The following TASOR variants were observed in gnomAD, a reference collection of about 807,000 sequenced individuals.
The protein encoded by TASOR is protein TASOR.
In TASOR, 53 loss-of-function variants were observed where a neutral mutation model predicts 178.6. The ratio of observed to expected loss-of-function variants is 0.30; its 90% CI spans 0.24 to 0.37. The LOEUF is 0.37. Among genes scored for constraint, TASOR ranks in the 10% least tolerant of loss-of-function variants. TASOR has a pLI of 1.00. For synonymous variants in TASOR, 713 were observed against 696.2 expected (o/e 1.02, Z -0.38); for missense variants, 1,815 against 1,971.4 (o/e 0.92, Z 1.50).
Position 56,662,388 on chromosome 3 carries a change from T to G in TASOR, c.1157A>C (p.Lys386Thr). 1 of 1,532,704 alleles carries G rather than the reference T, an allele frequency of 6.5e-7. No individual in the cohort carries two copies. Among genetic ancestry groups the G allele is most frequent in the Admixed American group, 2.0e-5 (1 of 50,764 alleles). 94.9% of individuals were successfully genotyped at this position (1,532,704 alleles called of 1,614,324 possible). A position where few individuals can be genotyped will look rare whatever the true frequency, so the allele number is the denominator to read the frequency against. Reference sequence around the variant, plus strand: ...ACTGCTCTTTACTTATACTTACAGTTTGATAGGCAAAAAAGCACGAGTGGC... The same window carrying G: ...ACTGCTCTTTACTTATACTTACAGTGTGATAGGCAAAAAAGCACGAGTGGC... The part of the protein sequence containing the change: ...RSATRAFLPI[K>T]LPEKLDVETV... Residue 386 changes from lysine to threonine, a missense_variant, in exon 9 of 24, where the codon AAA (lysine) becomes ACA (threonine). By Grantham distance (78) the Lys-to-Thr change is moderately conservative. This residue lies in a region of TASOR where 504 missense variants were observed against 645.3 expected (regional missense o/e 0.78). Transcript: ENST00000683822.
At chr3:56,652,626 T>A (rs2077376319) in intron 11 of TASOR, among the ~76,000 whole-genome samples, 3 of 151,736 alleles carry the variant, frequency 2.0e-5, no homozygotes, top group Non-Finnish European at 4.4e-5. Flanking sequence ...TTAAAAAATA[T>A]AGGCAAAGAA....
At chr3:56,632,795 C>A (rs965087705) in intron 18 of TASOR, among the ~76,000 whole-genome samples, 1 of 152,014 alleles carries the variant, frequency 6.6e-6, no homozygotes, top group African/African-American at 2.4e-5. Flanking sequence ...AGAGTGCCAC[C>A]ACACCTAATT....
chr3:56,636,409 G>A (rs941564611), intron 17 of TASOR, among the ~76,000 whole-genome samples: 4 of 151,938 alleles, frequency 2.6e-5, no homozygotes, highest in African/African-American at 7.3e-5. Context: ...TGGTGGTGTT[G>A]TTGTTGTTGT....
Position 56,646,548 on chromosome 3 carries a change from A to G in TASOR, c.2189T>C (p.Leu730Ser). 6.2e-7 allele frequency: 1 copy of G among 1,604,588 alleles called. No individual in the cohort carries two copies. Among genetic ancestry groups the G allele is most frequent in the Non-Finnish European group, 8.5e-7 (1 of 1,177,542 alleles). The change falls in exon 14 of 24, where the codon TTA (leucine) becomes TCA (serine). Residue 730 changes from leucine to serine, a missense_variant. By Grantham distance (145) the Leu-to-Ser change is moderately radical. Around this residue, in one of 5 missense-constraint regions of TASOR, gnomAD observed 655 missense variants for 671.1 expected, o/e 0.98. Transcript: ENST00000683822. ...TTCATACAGATGGCAATTTTCAGAT[A>G]AATTACTGGTTTTGGCGAGCTTTCT... ...NMRKLAKTSN[L>S]SENCHLYEES...
At chr3:56,674,972 C>A (rs984490496) in intron 1 of TASOR, among the ~76,000 whole-genome samples, 1 of 152,120 alleles carries the variant, frequency 6.6e-6, no homozygotes, top group African/African-American at 2.4e-5. Context: ...GCACCCACCA[C>A]CACACCCGGC....
rs909846509 is a variant in TASOR at position 56,670,153 on chromosome 3, T to A, written c.571-8A>T. The A allele has an allele frequency of 1.8e-5, 26 of 1,445,178 alleles. No homozygotes were observed. Among genetic ancestry groups the A allele is most frequent in the East Asian group, 7.6e-5 (3 of 39,542 alleles). The allele number at this position is 1,445,178 out of a possible 1,614,324, so 89.5% of individuals were successfully genotyped here. On this transcript the variant is annotated splice_region_variant and splice_polypyrimidine_tract_variant and intron_variant, in intron 3 of 23. Transcript: ENST00000683822. ...TTCACATATGGTTTGAACCTAAATT[T>A]AAAAAAAAATACTTCATCTTGCAGT... is the stretch of plus-strand genomic sequence containing the variant.
At chr3:56,627,211 G>T (rs376087015) in intron 20 of TASOR, 66 bp from the exon 21 acceptor site, 19 of 979,396 alleles carry the variant, frequency 1.9e-5, no homozygotes, top group Non-Finnish European at 2.2e-5. Flanking sequence ...AATTATGAAA[G>T]AAGTGTTTTT....
At chr3:56,682,029 A>G (rs1219546877) in intron 1 of TASOR, among the ~76,000 whole-genome samples, 1 of 152,236 alleles carries the variant, frequency 6.6e-6, no homozygotes, top group Admixed American at 6.5e-5. Flanking sequence ...ATATAAGAAA[A>G]ACAATACTAA....
chr3:56,682,595 G>T, intron 1 of TASOR, 81 bp downstream of exon 1: 1 of 1,288,560 alleles, frequency 7.8e-7, no homozygotes, highest in South Asian at 1.7e-5. Flanking sequence ...TCGGATGGGT[G>T]TGGGAAGAGG....
Position 56,627,601 on chromosome 3 carries a change from G to A in TASOR, c.4011C>T (p.Asn1337=), listed in dbSNP as rs2076827111. Residue 1337 remains asparagine, a synonymous_variant, in exon 20 of 24, where the codon AAC becomes AAT. Transcript: ENST00000683822. ...TCTTACCAACTGTGACAACCTCTGG[G>A]TTTAGAATTGATTCATCAGATACGA... is the stretch of plus-strand genomic sequence containing the variant. ...GFIVSDESIL[N]PEVVTVENLK... is the part of the protein sequence containing the mutation. 1.9e-6 allele frequency: 3 copies of A among 1,613,904 alleles called. No individual in the cohort carries two copies. Among genetic ancestry groups the A allele is most frequent in the Non-Finnish European group, 2.5e-6 (3 of 1,179,956 alleles).
At position 56,666,164 on chromosome 3, in the gene TASOR, A is replaced by G. The variant is rs2029945143; in HGVS notation, c.1022+96T>C. 3 of 1,111,296 alleles carry G rather than the reference A, an allele frequency of 2.7e-6. No homozygotes were observed. In the East Asian group the frequency reaches 9.5e-5, roughly 35 times the overall value. 68.8% of individuals were successfully genotyped at this position (1,111,296 alleles called of 1,614,324 possible). On this transcript the variant is annotated intron_variant, in intron 7 of 23. Transcript: ENST00000683822. ...CTTCAAGGGAAGTTAAAAAAAAAAA[A>G]ATGGGAAGGAAACAAAATGGTCCTC...
chr3:56,630,960 T>G (rs1381084948), intron 18 of TASOR, among the ~76,000 whole-genome samples: 1 of 151,996 alleles, frequency 6.6e-6, no homozygotes, highest in Non-Finnish European at 1.5e-5. Context: ...GTTGGAGTTA[T>G]GCTAAGCACA....
intron 17 of TASOR, among the ~76,000 whole-genome samples, chr3:56,635,438 T>C (rs62251183): frequency 0.036 from 5,491 of 152,264 alleles, 116 homozygotes; most frequent in East Asian, 0.091. Context: ...ATAAAGTGTC[T>C]GGAAGGATAC....
chr3:56,625,059 G>A (rs542591298), intron 21 of TASOR, 53 bp from the exon 22 acceptor site: 3 of 1,539,524 alleles, frequency 1.9e-6, no homozygotes, highest in Non-Finnish European at 1.8e-6. Flanking sequence ...AATTTAGTAT[G>A]GAAATTTCTG....
At position 56,624,518 on chromosome 3, in the gene TASOR, G is replaced by A. The variant is rs757226862; in HGVS notation, c.4444C>T (p.Pro1482Ser). Reference protein sequence around the residue: ...YHNSITEENLPQLGANENLES... With the variant: ...YHNSITEENLSQLGANENLES... ...AGATTCTCATTAGCACCAAGCTGTG[G>A]AAGGTTTTCTTCTGTGATTGAATTG... Residue 1482 changes from proline (P) to serine (S), a missense_variant, in exon 23 of 24, where the codon CCA (proline) becomes TCA (serine). By Grantham distance (74) the Pro-to-Ser change is moderately conservative. Transcript: ENST00000683822. 1.2e-6 allele frequency: 2 copies of A among 1,614,036 alleles called. No homozygotes were observed. Among genetic ancestry groups the A allele is most frequent in the Non-Finnish European group, 1.7e-6 (2 of 1,179,968 alleles).
Position 56,623,332 on chromosome 3 carries a change from G to A in TASOR, c.4718C>T (p.Ser1573Phe), listed in dbSNP as rs754753366. 1 of 1,613,404 alleles carries A rather than the reference G, an allele frequency of 6.2e-7. No homozygotes were observed. Among genetic ancestry groups the A allele is most frequent in the South Asian group, 1.1e-5 (1 of 91,066 alleles). ...TCCTTCAGAGCATACTATATCAATA[G>A]AAGTTCTCTCTTCAGAATCAAGGTA... ...KTYLDSEERT[S>F]IDIVCSEGEN... The change falls in exon 24 of 24, where the codon TCT becomes TTT. Residue 1573 changes from serine (S) to phenylalanine (F), a missense_variant. Coordinates refer to ENST00000683822, the MANE Select transcript of TASOR (RefSeq NM_001365635.2).
intron 11 of TASOR, among the ~76,000 whole-genome samples, chr3:56,659,271 T>TGTATTAAA (rs1228770689): frequency 1.3e-5 from 2 of 152,210 alleles, no homozygotes; most frequent in African/African-American, 4.8e-5. Flanking sequence ...TTGTAAAACT[T>TGTATTAAA]GTATTAAATG....
In TASOR at chr3:56,633,534, T is replaced by C; in HGVS notation, c.3257A>G (p.Asn1086Ser). 1 of 1,614,144 alleles carries C rather than the reference T, an allele frequency of 6.2e-7. No homozygotes were observed. Among genetic ancestry groups the C allele is most frequent in the African/African-American group, 1.3e-5 (1 of 75,044 alleles). The change falls in exon 18 of 24, where the codon AAT becomes AGT. Residue 1086 changes from asparagine (N) to serine (S), a missense_variant. Around this residue, in one of 5 missense-constraint regions of TASOR, gnomAD observed 655 missense variants for 671.1 expected, o/e 0.98. Transcript: ENST00000683822. ...GGCTGATGCTTTAATAATAATAGTA[T>C]TTAGCTTCTCATGCAAACCATCTAC... The part of the protein sequence containing the change: ...EFVDGLHEKL[N>S]TIIIKASAKG...
At chr3:56,671,244 C>CA in intron 3 of TASOR, 1 of 163,448 alleles carries the variant, frequency 6.1e-6, no homozygotes, top group Non-Finnish European at 1.3e-5. Context: ...GAGGCTGAGG[C>CA]AGGAGAATCG....
Sources: allele counts gnomAD v4.1 joint callset (sites outside exome capture counted in the v4.1 genomes callset), GRCh38; gene constraint gnomAD v4.1.1; regional missense constraint gnomAD v4.1.1; transcripts MANE v1.5; gene names NCBI Gene and HGNC (gene_info 2026-07-23, HGNC 2026-07-21).